GALNT17: variants seen among roughly 807,000 people sequenced by gnomAD.
The protein encoded by GALNT17 is UDP-GalNAc:polypeptide N-acetylgalactosaminyltransferase-like 3.
Under a neutral mutation model 63.7 loss-of-function variants are expected in GALNT17, and 29 were observed. That is an observed-to-expected ratio of 0.46 (90% CI 0.34 to 0.62). GALNT17 has a LOEUF of 0.62. Ranked by LOEUF, GALNT17 falls within the 20% of genes least tolerant of loss-of-function variation. The pLI, the probability that GALNT17 is intolerant of heterozygous loss-of-function variation, is 0.01. For missense variants in GALNT17, 603 were observed against 799.6 expected (o/e 0.75, Z 2.97); for synonymous variants, 305 against 318.3 (o/e 0.96, Z 0.45).
intron 6 of GALNT17, among the ~76,000 whole-genome samples, chr7:71,646,240 T>G (rs1179039544): frequency 6.6e-6 from 1 of 152,216 alleles, no homozygotes; most frequent in Non-Finnish European, 1.5e-5. Flanking sequence ...AGTCCCACAC[T>G]TTTAAAAATT....
intron 5 of GALNT17, among the ~76,000 whole-genome samples, chr7:71,489,700 C>A (rs181698102): frequency 6.6e-6 from 1 of 152,204 alleles, no homozygotes; most frequent in Non-Finnish European, 1.5e-5. Flanking sequence ...AGTCCATTGG[C>A]GGCGGGCTGG....
At chr7:71,513,916 G>A (rs1018546293) in intron 5 of GALNT17, among the ~76,000 whole-genome samples, 63 of 152,344 alleles carry the variant, frequency 4.1e-4, no homozygotes, top group African/African-American at 1.2e-3. Flanking sequence ...GGAGAGCTGG[G>A]CATGGTGGCT....
At chr7:71,616,013 C>T (rs1259803763) in intron 6 of GALNT17, among the ~76,000 whole-genome samples, 1 of 152,046 alleles carries the variant, frequency 6.6e-6, no homozygotes. Flanking sequence ...AACCTCGATC[C>T]CAGTTTTGAA....
intron 3 of GALNT17, among the ~76,000 whole-genome samples, chr7:71,395,458 G>T (rs1793122022): frequency 6.6e-6 from 1 of 152,102 alleles, no homozygotes; most frequent in African/African-American, 2.4e-5. Flanking sequence ...TATAGATACA[G>T]CACATTTTAT....
chr7:71,173,346 A>G (rs1389591803), intron 1 of GALNT17, among the ~76,000 whole-genome samples: 5 of 152,200 alleles, frequency 3.3e-5, no homozygotes, highest in Admixed American at 2.0e-4. Flanking sequence ...TGGAGGCTGC[A>G]TCTCTTGGGC....
At chr7:71,145,996 G>C (rs970247457) in intron 1 of GALNT17, among the ~76,000 whole-genome samples, 4 of 152,112 alleles carry the variant, frequency 2.6e-5, no homozygotes, top group Admixed American at 1.3e-4. Flanking sequence ...GCGAGCCACC[G>C]TACGGGGCCC....
intron 1 of GALNT17, among the ~76,000 whole-genome samples, chr7:71,138,387 G>T (rs1306062209): frequency 6.6e-6 from 1 of 152,048 alleles, no homozygotes; most frequent in Non-Finnish European, 1.5e-5. Flanking sequence ...GTGGATTGTT[G>T]TAAAGGTCTT....
At chr7:71,381,061 AG>A (rs1287176419) in intron 2 of GALNT17, among the ~76,000 whole-genome samples, 1 of 151,988 alleles carries the variant, frequency 6.6e-6, no homozygotes, top group Admixed American at 6.6e-5. Context: ...CCCAGGCTCA[AG>A]GTATCCTCCC....
At position 71,693,305 on chromosome 7, in the gene GALNT17, C is replaced by CATATATATATATATATATATATATATAT. The variant is rs1375479092; in HGVS notation, c.1500+16000_1500+16001insTATATATATATATATATATATATATATA. Among the ~76,000 whole-genome samples, 24 of 126,056 alleles carry CATATATATATATATATATATATATATAT rather than the reference C, an allele frequency of 1.9e-4. 3 individuals carry two copies. The East Asian group carries it at 5.9e-3, about 31-fold the overall frequency. The allele number at this position is 126,056 out of a possible 152,430, so 82.7% of individuals were successfully genotyped here. A position where few individuals can be genotyped will look rare whatever the true frequency, so the allele number is the denominator to read the frequency against. ...ACACACACACACACACACACACACA[C>CATATATATATATATATATATATATATAT]ACACATATATATATATGGAGACAAG... On this transcript the variant is annotated intron_variant, in intron 9 of 10. Coordinates refer to ENST00000333538, the MANE Select transcript of GALNT17 (RefSeq NM_022479.3).
Position 71,132,766 on chromosome 7 carries a change from G to T in GALNT17, c.-37G>T. On this transcript the variant is annotated 5_prime_UTR_variant, in exon 1 of 11. Transcript: ENST00000333538. The stretch of plus-strand genomic sequence containing the variant: ...CCCGCGCCTCGCCGGAGCCCGAGGG[G>T]GCGCAGGTCCGGGGCGAGGGCCGGC... The T allele has an allele frequency of 6.5e-7, 1 of 1,536,034 alleles. No individual in the cohort carries two copies. Among genetic ancestry groups the T allele is most frequent in the Non-Finnish European group, 8.8e-7 (1 of 1,133,844 alleles).
chr7:71,322,361 A>T (rs539799736), intron 1 of GALNT17, among the ~76,000 whole-genome samples: 1 of 152,184 alleles, frequency 6.6e-6, no homozygotes, highest in Non-Finnish European at 1.5e-5. Flanking sequence ...CATGTAAGAC[A>T]TGTCATTTTG....
intron 2 of GALNT17, among the ~76,000 whole-genome samples, chr7:71,344,949 C>T (rs904934829): frequency 9.2e-5 from 14 of 152,066 alleles, no homozygotes. Flanking sequence ...TAGGGGTTCA[C>T]GTTTTGTAAG....
chr7:71,459,742 T>A (rs550726604), intron 5 of GALNT17, among the ~76,000 whole-genome samples: 1 of 152,312 alleles, frequency 6.6e-6, no homozygotes, highest in East Asian at 1.9e-4. Context: ...TAGCTAGATC[T>A]TTTTCTCTAG....
intron 1 of GALNT17, among the ~76,000 whole-genome samples, chr7:71,294,359 G>C (rs994078542): frequency 1.3e-5 from 2 of 150,168 alleles, no homozygotes; most frequent in African/African-American, 4.9e-5. Flanking sequence ...TCTTCTTTCT[G>C]GAATGCTCAC....
intron 1 of GALNT17, among the ~76,000 whole-genome samples, chr7:71,325,401 C>A (rs936693494): frequency 6.6e-6 from 1 of 152,142 alleles, no homozygotes; most frequent in Admixed American, 6.5e-5. Context: ...GCATGCTGGG[C>A]TGGGGCTGCT....
chr7:71,556,945 C>A (rs59543111), intron 5 of GALNT17, among the ~76,000 whole-genome samples: 1 of 151,422 alleles, frequency 6.6e-6, no homozygotes, highest in Non-Finnish European at 1.5e-5. Flanking sequence ...TTAAAGTGAC[C>A]GGTTCTTTCT....
chr7:71,393,963 G>A (rs896767169), intron 3 of GALNT17, among the ~76,000 whole-genome samples: 6 of 150,622 alleles, frequency 4.0e-5, no homozygotes, highest in Non-Finnish European at 5.9e-5. Flanking sequence ...TCCTCCTGGT[G>A]CCCCGACACT....
At chr7:71,604,586 C>G (rs1030441219) in intron 6 of GALNT17, among the ~76,000 whole-genome samples, 1 of 152,214 alleles carries the variant, frequency 6.6e-6, no homozygotes, top group Admixed American at 6.5e-5. Context: ...GATTTGAACT[C>G]AAGCAGTGTG....
At chr7:71,208,364 C>CAGACCTACTCATG (rs1789312683) in intron 1 of GALNT17, among the ~76,000 whole-genome samples, 1 of 151,962 alleles carries the variant, frequency 6.6e-6, no homozygotes, top group African/African-American at 2.4e-5. Flanking sequence ...AAGTCTCAGC[C>CAGACCTACTCATG]AGACCTACTC....
Sources: allele counts gnomAD v4.1 joint callset (sites outside exome capture counted in the v4.1 genomes callset), GRCh38; gene constraint gnomAD v4.1.1; transcripts MANE v1.5; gene names NCBI Gene and HGNC (gene_info 2026-07-23, HGNC 2026-07-21).